The following SCN9A variants were observed in gnomAD, a reference collection of about 807,000 sequenced individuals.
SCN9A encodes sodium voltage-gated channel alpha subunit 9, also known as sodium channel protein type 9 subunit alpha.
In SCN9A, 131 loss-of-function variants were observed where a neutral mutation model predicts 187.0. The observed-to-expected ratio is 0.70, with a 90% CI of 0.61 to 0.81. The LOEUF (loss-of-function observed/expected upper bound fraction) is 0.81, where lower values mean the gene tolerates loss of function less well. Among genes scored for constraint, SCN9A ranks in the 30% least tolerant of loss-of-function variants. SCN9A has a pLI of 0.00. For missense variants in SCN9A, 2,252 were observed against 2,396.6 expected, an observed-to-expected ratio of 0.94 and a Z score of 1.26; for synonymous variants, 809 against 808.6, an observed-to-expected ratio of 1.00 and a Z score of -0.01.
At chr2:166,306,061 A>G (rs1698745365) in intron 4 of SCN9A, 141 bp from the exon 5 acceptor site, 2 of 850,192 alleles carry the variant, frequency 2.4e-6, no homozygotes, top group Admixed American at 5.6e-5. Context: ...CACCCTATTA[A>G]ACTACAATAG....
At chr2:166,285,921 G>T (rs1397288017) in intron 11 of SCN9A, among the ~76,000 whole-genome samples, 2 of 152,118 alleles carry the variant, frequency 1.3e-5, no homozygotes, top group Admixed American at 6.5e-5. Context: ...TTCCAAATGG[G>T]TGAGTGATAC....
intron 20 of SCN9A, among the ~76,000 whole-genome samples, chr2:166,236,424 A>C (rs1695320674): frequency 6.6e-6 from 1 of 150,386 alleles, no homozygotes; most frequent in Non-Finnish European, 1.5e-5. Context: ...AACGAAAATT[A>C]TTATTATTTT....
intron 1 of SCN9A, among the ~76,000 whole-genome samples, chr2:166,315,589 T>G (rs893210247): frequency 7.2e-5 from 11 of 152,234 alleles, no homozygotes; most frequent in African/African-American, 2.7e-4. Flanking sequence ...GATTTCATCA[T>G]CATCCTCTAG....
chr2:166,264,972 C>A (rs547651905), intron 17 of SCN9A, among the ~76,000 whole-genome samples: 30 of 151,968 alleles, frequency 2.0e-4, no homozygotes, highest in African/African-American at 7.2e-4. Flanking sequence ...TTATGGGGTA[C>A]ATGTGATAGT....
At chr2:166,202,426 A>G (rs1693584693) in intron 26 of SCN9A, among the ~76,000 whole-genome samples, 1 of 50,310 alleles carries the variant, frequency 2.0e-5, no homozygotes, top group African/African-American at 5.6e-5. Context: ...TTTATTTAAC[A>G]TCTATATGTC....
chr2:166,274,384 G>A lies in SCN9A; in HGVS notation c.2875-1509C>T, dbSNP rs4076084. On this transcript the variant is annotated intron_variant, in intron 16 of 26. Coordinates refer to ENST00000642356, the MANE Select transcript of SCN9A (RefSeq NM_001365536.1). The stretch of plus-strand genomic sequence containing the variant: ...AGTCTCATTTTGATTAATGGTCTTC[G>A]CAAGTTTCCTGATATAGACCCGAGC... Among the ~76,000 whole-genome samples the A allele has an allele frequency of 5.5e-3, 843 of 152,078 alleles. 8 individuals are homozygous for A. Among genetic ancestry groups the A allele is most frequent in the African/African-American group, 0.019 (792 of 41,502 alleles).
intron 14 of SCN9A, among the ~76,000 whole-genome samples, chr2:166,279,883 A>C (rs1697400898): frequency 6.6e-6 from 1 of 152,092 alleles, no homozygotes; most frequent in Non-Finnish European, 1.5e-5. Context: ...TATTTGTCCA[A>C]GGGCATATCA....
At chr2:166,280,272 T>C (rs1400513141) in intron 14 of SCN9A, 85 bp downstream of exon 14, 2 of 770,182 alleles carry the variant, frequency 2.6e-6, no homozygotes, top group African/African-American at 3.5e-5. Context: ...GGCTGCAGAT[T>C]CATCTGACAT....
intron 1 of SCN9A, among the ~76,000 whole-genome samples, chr2:166,372,382 A>C (rs1700587290): frequency 6.6e-6 from 1 of 152,280 alleles, no homozygotes. Context: ...ATAAGCATCT[A>C]TGTTTATTTT....
chr2:166,360,991 C>T (rs992152748), intron 1 of SCN9A, among the ~76,000 whole-genome samples: 11 of 152,144 alleles, frequency 7.2e-5, no homozygotes, highest in African/African-American at 2.7e-4. Flanking sequence ...AAATTCATGG[C>T]TCCAGAGTGA....
chr2:166,200,550 T>C (rs1362480365), intron 26 of SCN9A, among the ~76,000 whole-genome samples: 1 of 152,062 alleles, frequency 6.6e-6, no homozygotes, highest in Non-Finnish European at 1.5e-5. Flanking sequence ...CAATATTTTT[T>C]TGAGTATCAC....
Position 166,321,997 on chromosome 2 carries a change from C to T in SCN9A, c.-50-10191G>A, listed in dbSNP as rs145187060. On this transcript the variant is annotated intron_variant, in intron 1 of 26. Transcript: ENST00000642356. ...GATGCTGTAAAATAATCAAGAGTTA[C>T]ATTAGGTCTTTCCTAGCATTTATTT... 3.9e-5 allele frequency among the ~76,000 whole-genome samples: 6 copies of T among 152,146 alleles called. No individual in the cohort carries two copies. In the South Asian group the frequency reaches 1.0e-3, roughly 26 times the overall value.
At chr2:166,268,977 T>C (rs931198746) in intron 17 of SCN9A, among the ~76,000 whole-genome samples, 1 of 151,914 alleles carries the variant, frequency 6.6e-6, no homozygotes, top group South Asian at 2.1e-4. Flanking sequence ...CTATGCTACA[T>C]GACTTAAAAA....
chr2:166,202,985 A>T (rs1049643681), intron 26 of SCN9A, among the ~76,000 whole-genome samples: 1 of 151,628 alleles, frequency 6.6e-6, no homozygotes, highest in Non-Finnish European at 1.5e-5. Context: ...AACACTAAAA[A>T]CAGGGATGAT....
At chr2:166,299,673 T>A (rs1698470714) in intron 7 of SCN9A, among the ~76,000 whole-genome samples, 1 of 150,840 alleles carries the variant, frequency 6.6e-6, no homozygotes, top group African/African-American at 2.5e-5. Flanking sequence ...ATATCAGGGA[T>A]GTTCAGAGGT....
At chr2:166,230,161 C>T (rs946369799) in intron 21 of SCN9A, among the ~76,000 whole-genome samples, 4 of 152,092 alleles carry the variant, frequency 2.6e-5, no homozygotes, top group African/African-American at 9.7e-5. Context: ...CATAAACAAA[C>T]TGGTATGGCT....
chr2:166,253,432 GTTTAA>G, intron 17 of SCN9A, among the ~76,000 whole-genome samples: 1 of 151,646 alleles, frequency 6.6e-6, no homozygotes, highest in South Asian at 2.1e-4. Flanking sequence ...ATCTAAATTA[GTTTAA>G]TTTAAAATAA....
intron 1 of SCN9A, among the ~76,000 whole-genome samples, chr2:166,346,579 G>A (rs775386066): frequency 2.6e-5 from 4 of 152,090 alleles, no homozygotes; most frequent in Non-Finnish European, 4.4e-5. Context: ...GAAAAAATAT[G>A]TATCTCCTGT....
chr2:166,241,896 A>C (rs1043375541), intron 19 of SCN9A, among the ~76,000 whole-genome samples: 1 of 152,148 alleles, frequency 6.6e-6, no homozygotes, highest in Non-Finnish European at 1.5e-5. Context: ...GTCAACTAAG[A>C]GTCAAGAAGG....
Sources: gnomAD v4.1 joint callset for allele counts (sites outside exome capture counted in the v4.1 genomes callset) on GRCh38, gnomAD v4.1.1 for gene constraint, MANE v1.5 for transcripts, NCBI Gene and HGNC (gene_info 2026-07-23, HGNC 2026-07-21) for gene names.